The following DUSP22 variants were observed in gnomAD, a reference collection of about 807,000 sequenced individuals.
DUSP22 encodes dual specificity protein phosphatase 22.
In DUSP22, 24 loss-of-function variants were observed where a neutral mutation model predicts 24.5. The ratio of observed to expected loss-of-function variants is 0.98; its 90% CI spans 0.71 to 1.38. The LOEUF is 1.38. DUSP22 is among the 40% of genes most tolerant of loss of function. The probability of loss-of-function intolerance (pLI) is 0.00; values close to 1 mark genes in which losing one functional copy is unlikely to be tolerated. For synonymous variants in DUSP22, 160 were observed against 106.4 expected (o/e 1.50, Z -3.10); for missense variants, 330 against 269.2 (o/e 1.23, Z -1.58).
At chr6:309,065 C>T (rs1054641854) in intron 2 of DUSP22, among the ~76,000 whole-genome samples, 1 of 152,306 alleles carries the variant, frequency 6.6e-6, no homozygotes, top group Non-Finnish European at 1.5e-5. Flanking sequence ...AATGTGGGAA[C>T]TGGCTGCCTG....
intron 2 of DUSP22, among the ~76,000 whole-genome samples, chr6:310,397 TC>T (rs1461995606): frequency 6.6e-6 from 1 of 152,306 alleles, no homozygotes; most frequent in Non-Finnish European, 1.5e-5. Context: ...GGGTTCCACT[TC>T]AGGGGATCAC....
Position 350,561 on chromosome 6 carries a change from C to A in DUSP22, c.*1610C>A. On this transcript the variant is annotated 3_prime_UTR_variant, in exon 7 of 7. Transcript: ENST00000419235. The stretch of plus-strand genomic sequence containing the variant: ...CCGGGAAAAACAAAGTTGCCTGATT[C>A]CGCGCAGGTGCACAGGCCCCGGATG... 3 of 1,377,984 alleles carry A rather than the reference C, an allele frequency of 2.2e-6. No homozygotes were observed. Among genetic ancestry groups the A allele is most frequent in the South Asian group, 3.2e-5 (2 of 62,078 alleles). 85.4% of individuals were successfully genotyped at this position (1,377,984 alleles called of 1,614,324 possible). A position where few individuals can be genotyped will look rare whatever the true frequency, so the allele number is the denominator to read the frequency against.
chr6:298,957 G>A (rs1156746256), intron 1 of DUSP22, among the ~76,000 whole-genome samples: 1 of 152,286 alleles, frequency 6.6e-6, no homozygotes, highest in Non-Finnish European at 1.5e-5. Flanking sequence ...CGATATGAGA[G>A]AGAGAGTGCC....
chr6:350,705 T>C lies in DUSP22; in HGVS notation c.*1754T>C, dbSNP rs1440027493. On this transcript the variant is annotated 3_prime_UTR_variant, in exon 7 of 7. Coordinates refer to ENST00000419235, the MANE Select transcript of DUSP22 (RefSeq NM_001286555.3). The stretch of plus-strand genomic sequence containing the variant: ...AATAAATACGTTAACAGAAAAATGA[T>C]TTAGGATATAGCTTGAATGCTTAAA... 23 of 1,591,656 alleles carry C rather than the reference T, an allele frequency of 1.4e-5. No homozygotes were observed. In the South Asian group the frequency reaches 2.0e-4, roughly 14 times the overall value.
intron 1 of DUSP22, among the ~76,000 whole-genome samples, chr6:301,623 C>T (rs887232586): frequency 1.1e-4 from 16 of 152,272 alleles, no homozygotes; most frequent in Admixed American, 7.2e-4. Context: ...TGAGGCTCTG[C>T]GCAAGGCTGA....
intron 1 of DUSP22, among the ~76,000 whole-genome samples, chr6:303,895 A>G (rs1757698763): frequency 6.6e-6 from 1 of 152,304 alleles, no homozygotes; most frequent in African/African-American, 2.4e-5. Context: ...TTTTTAACAG[A>G]TTCTGGAGTT....
intron 3 of DUSP22, among the ~76,000 whole-genome samples, chr6:330,402 A>G (rs550905614): frequency 1.1e-3 from 165 of 152,348 alleles, no homozygotes; most frequent in Middle Eastern, 0.01. Context: ...GCAAAGCAGA[A>G]TGTCAGCTGG....
intron 4 of DUSP22, among the ~76,000 whole-genome samples, chr6:341,452 C>T (rs1241190926): frequency 1.3e-5 from 2 of 152,312 alleles, no homozygotes; most frequent in Admixed American, 1.3e-4. Flanking sequence ...GGGCTTCTGT[C>T]ATCAGCTTCC....
intron 4 of DUSP22, among the ~76,000 whole-genome samples, chr6:336,869 C>G (rs529698344): frequency 1.3e-5 from 2 of 152,428 alleles, no homozygotes; most frequent in Admixed American, 6.5e-5. Context: ...GGAAGTGAGC[C>G]ACTGCCTTTC....
chr6:299,922 C>T (rs1757507055), intron 1 of DUSP22, among the ~76,000 whole-genome samples: 1 of 152,304 alleles, frequency 6.6e-6, no homozygotes, highest in Non-Finnish European at 1.5e-5. Context: ...TCTCTCCTTT[C>T]CTCTCACCCT....
intron 4 of DUSP22, among the ~76,000 whole-genome samples, chr6:337,499 C>T (rs1210358040): frequency 6.6e-6 from 1 of 152,296 alleles, no homozygotes; most frequent in Admixed American, 6.5e-5. Context: ...CATGGAGGGA[C>T]AGGGGAGACA....
chr6:294,781 TG>T (rs2127387004), intron 1 of DUSP22, among the ~76,000 whole-genome samples: 1 of 152,374 alleles, frequency 6.6e-6, no homozygotes, highest in South Asian at 2.1e-4. Context: ...TGTATGTGTG[TG>T]GGGGTGAGAG....
At chr6:335,812 T>C (rs938040133) in intron 4 of DUSP22, among the ~76,000 whole-genome samples, 2 of 152,302 alleles carry the variant, frequency 1.3e-5, no homozygotes, top group African/African-American at 2.4e-5. Context: ...GGCTGCCTTA[T>C]GGGGCAGCAT....
chr6:344,020 C>G (rs890370540), intron 4 of DUSP22, among the ~76,000 whole-genome samples: 1 of 152,298 alleles, frequency 6.6e-6, no homozygotes, highest in Non-Finnish European at 1.5e-5. Flanking sequence ...CTATCCATCC[C>G]GAGGTGTCAG....
At chr6:301,830 G>C (rs1009646096) in intron 1 of DUSP22, among the ~76,000 whole-genome samples, 3 of 152,286 alleles carry the variant, frequency 2.0e-5, no homozygotes, top group Admixed American at 2.0e-4. Context: ...AGCAAGCCGG[G>C]CTCCAGACGA....
chr6:349,126 C>A lies in DUSP22; in HGVS notation c.*175C>A. The A allele has an allele frequency of 2.8e-6, 4 of 1,440,480 alleles. No homozygotes were observed. Among genetic ancestry groups the A allele is most frequent in the Non-Finnish European group, 3.6e-6 (4 of 1,103,626 alleles). The allele number at this position is 1,440,480 out of a possible 1,614,324, so 89.2% of individuals were successfully genotyped here. ...AGCCCTGCTCCAGGCCCCTGCACTC[C>A]GCCCACCCCTACCCTGGCTGCACCT... On this transcript the variant is annotated 3_prime_UTR_variant, in exon 7 of 7. Coordinates refer to ENST00000419235, the MANE Select transcript of DUSP22 (RefSeq NM_001286555.3).
Position 348,179 on chromosome 6 carries a change from G to T in DUSP22, c.340G>T (p.Ala114Ser). Residue 114 changes from alanine to serine, a missense_variant, in exon 6 of 7, where the codon GCC becomes TCC. Physicochemically the swap from Ala to Ser is moderately conservative, Grantham distance 99. Transcript: ENST00000419235. ...MTVTDFGWED[A>S]LHTVRAGRSC... is the part of the protein sequence containing the mutation. ...CGTCACTGACTTTGGCTGGGAGGAT[G>T]CCCTGCACACCGTGCGTGCTGGGAG... 1.2e-6 allele frequency: 2 copies of T among 1,614,312 alleles called. No homozygotes were observed. The highest frequency in any genetic ancestry group is 2.2e-5 in the East Asian group (1 of 44,892).
At chr6:330,765 T>C (rs1221932150) in intron 3 of DUSP22, among the ~76,000 whole-genome samples, 1 of 152,304 alleles carries the variant, frequency 6.6e-6, no homozygotes, top group Non-Finnish European at 1.5e-5. Context: ...TGACGTCTGT[T>C]GTTTCTTTCA....
intron 3 of DUSP22, among the ~76,000 whole-genome samples, chr6:331,952 A>C (rs1297553280): frequency 6.6e-6 from 1 of 152,304 alleles, no homozygotes; most frequent in African/African-American, 2.4e-5. Context: ...TCCCTTGAGC[A>C]TGTGTGGGTG....
Sources: allele counts gnomAD v4.1 joint callset (sites outside exome capture counted in the v4.1 genomes callset), GRCh38; gene constraint gnomAD v4.1.1; transcripts MANE v1.5; gene names NCBI Gene and HGNC (gene_info 2026-07-23, HGNC 2026-07-21).